WWOX: variants seen among roughly 807,000 people sequenced by gnomAD.
The protein encoded by WWOX is WW domain-containing oxidoreductase.
WWOX carries 69 observed loss-of-function variants against 46.2 expected under a neutral mutation model. The ratio of observed to expected loss-of-function variants is 1.49; its 90% CI spans 1.23 to 1.82. The LOEUF (loss-of-function observed/expected upper bound fraction) is 1.82. Among genes scored for constraint, WWOX ranks in the 40% most tolerant of loss-of-function variants. The pLI, the probability that WWOX is intolerant of heterozygous loss-of-function variation, is 0.00. For synonymous variants in WWOX, 359 were observed against 202.6 expected (o/e 1.77, Z -6.56); for missense variants, 919 against 542.6 (o/e 1.69, Z -6.89).
intron 8 of WWOX, among the ~76,000 whole-genome samples, chr16:78,486,631 G>C (rs901005385): frequency 6.6e-6 from 1 of 151,480 alleles, no homozygotes; most frequent in Non-Finnish European, 1.5e-5. Flanking sequence ...CTGGAGTGTA[G>C]TGGTGTGATC....
intron 4 of WWOX, among the ~76,000 whole-genome samples, chr16:78,125,818 C>G (rs949832063): frequency 1.3e-5 from 2 of 152,068 alleles, no homozygotes; most frequent in Non-Finnish European, 2.9e-5. Flanking sequence ...TCATCAAGCG[C>G]CTGTATATGC....
chr16:78,282,719 A>T (rs1312626771), intron 5 of WWOX, among the ~76,000 whole-genome samples: 1 of 152,026 alleles, frequency 6.6e-6, no homozygotes, highest in Non-Finnish European at 1.5e-5. Flanking sequence ...TCTACTAAAA[A>T]TACAAAAAAT....
At chr16:78,283,007 C>A (rs2079706183) in intron 5 of WWOX, among the ~76,000 whole-genome samples, 1 of 151,880 alleles carries the variant, frequency 6.6e-6, no homozygotes, top group East Asian at 1.9e-4. Context: ...TTGGTCCTGA[C>A]TGAGACCAGG....
intron 4 of WWOX, among the ~76,000 whole-genome samples, chr16:78,147,346 T>A (rs1003431599): frequency 6.6e-6 from 1 of 152,138 alleles, no homozygotes. Flanking sequence ...AGTCATTGAT[T>A]TTAGGCAAGG....
intron 8 of WWOX, among the ~76,000 whole-genome samples, chr16:78,617,652 C>T (rs1184714582): frequency 2.0e-5 from 3 of 152,128 alleles, no homozygotes; most frequent in Admixed American, 2.0e-4. Flanking sequence ...TCCCCCTGCT[C>T]CTCAAGCTTG....
At position 78,504,959 on chromosome 16, in the gene WWOX, T is replaced by C. The variant is rs145511834; in HGVS notation, c.1056+72207T>C. 3.7e-3 allele frequency among the ~76,000 whole-genome samples: 564 copies of C among 152,280 alleles called. 7 individuals carry two copies. The highest frequency in any genetic ancestry group is 0.013 in the African/African-American group (540 of 41,550). The stretch of plus-strand genomic sequence containing the variant: ...GCAGGACTCCCCGGAAAAGAATGTA[T>C]AAATTGATGTGTTTTTGTATATGCT... On this transcript the variant is annotated intron_variant, in intron 8 of 8. Coordinates refer to ENST00000566780, the MANE Select transcript of WWOX (RefSeq NM_016373.4).
intron 5 of WWOX, among the ~76,000 whole-genome samples, chr16:78,196,427 G>T (rs2036055138): frequency 6.6e-6 from 1 of 152,160 alleles, no homozygotes; most frequent in Non-Finnish European, 1.5e-5. Flanking sequence ...GGCTCCTTTT[G>T]CAAAGAGAAA....
At chr16:79,095,177 C>T (rs1183095239) in intron 8 of WWOX, among the ~76,000 whole-genome samples, 2 of 152,182 alleles carry the variant, frequency 1.3e-5, no homozygotes, top group African/African-American at 4.8e-5. Context: ...GGAGAAAGAG[C>T]TGCTGTCTTT....
intron 5 of WWOX, among the ~76,000 whole-genome samples, chr16:78,364,606 A>G (rs1451317143): frequency 6.6e-6 from 1 of 151,746 alleles, no homozygotes; most frequent in Non-Finnish European, 1.5e-5. Context: ...TAATAAAAAT[A>G]AACTGTTTGT....
At chr16:78,133,047 C>A (rs1567590059) in intron 4 of WWOX, among the ~76,000 whole-genome samples, 5 of 152,064 alleles carry the variant, frequency 3.3e-5, no homozygotes, top group Non-Finnish European at 7.4e-5. Flanking sequence ...CTTTTTACTT[C>A]TTATTATGTA....
chr16:78,702,801 T>C (rs2048252713), intron 8 of WWOX, among the ~76,000 whole-genome samples: 1 of 152,114 alleles, frequency 6.6e-6, no homozygotes, highest in Non-Finnish European at 1.5e-5. Context: ...TTGGAGAAGC[T>C]CTGTGTGCTG....
At chr16:79,054,189 T>C (rs183802703) in intron 8 of WWOX, among the ~76,000 whole-genome samples, 3 of 152,308 alleles carry the variant, frequency 2.0e-5, no homozygotes, top group Admixed American at 2.0e-4. Context: ...AATATATAGC[T>C]CTTTACCCAC....
intron 8 of WWOX, among the ~76,000 whole-genome samples, chr16:78,563,166 C>T (rs1250832993): frequency 6.6e-6 from 1 of 152,128 alleles, no homozygotes; most frequent in Non-Finnish European, 1.5e-5. Flanking sequence ...AGGATGTCTG[C>T]AATCAAGATG....
At chr16:78,880,740 C>T (rs535511227) in intron 8 of WWOX, among the ~76,000 whole-genome samples, 1 of 152,298 alleles carries the variant, frequency 6.6e-6, no homozygotes, top group East Asian at 1.9e-4. Context: ...TTTTTGACAA[C>T]ACTACCTTTG....
At chr16:78,151,617 C>A (rs1333862672) in intron 4 of WWOX, among the ~76,000 whole-genome samples, 2 of 152,170 alleles carry the variant, frequency 1.3e-5, no homozygotes, top group African/African-American at 4.8e-5. Flanking sequence ...AGGCTCCTCC[C>A]TTTTTTTCTC....
At chr16:79,037,167 A>G (rs2047883711) in intron 8 of WWOX, among the ~76,000 whole-genome samples, 1 of 152,184 alleles carries the variant, frequency 6.6e-6, no homozygotes. Context: ...CTTGACTGCC[A>G]GCACCATCAG....
At chr16:78,165,125 A>T (rs2034929116) in intron 5 of WWOX, among the ~76,000 whole-genome samples, 1 of 152,060 alleles carries the variant, frequency 6.6e-6, no homozygotes, top group African/African-American at 2.4e-5. Flanking sequence ...CTGTTGGGGG[A>T]TGGGTATCTG....
intron 8 of WWOX, among the ~76,000 whole-genome samples, chr16:78,692,740 T>C (rs1402979520): frequency 2.6e-5 from 4 of 152,228 alleles, no homozygotes; most frequent in Non-Finnish European, 5.9e-5. Context: ...TTCATGCTTC[T>C]TAAACTGGGG....
chr16:78,971,448 CAAAAAAA>C (rs71140852), intron 8 of WWOX, among the ~76,000 whole-genome samples: 2,803 of 111,816 alleles, frequency 0.025, 108 homozygotes, highest in Admixed American at 0.077. Context: ...GACTCTGTGT[CAAAAAAA>C]AAAAAAAAAA....
Sources: gnomAD v4.1 joint callset for allele counts (sites outside exome capture counted in the v4.1 genomes callset) on GRCh38, gnomAD v4.1.1 for gene constraint, MANE v1.5 for transcripts, NCBI Gene and HGNC (gene_info 2026-07-23, HGNC 2026-07-21) for gene names.